Variants in KDM6A observed in about 807,000 individuals in gnomAD.
KDM6A encodes lysine demethylase 6A, also known as lysine-specific demethylase 6A.
A neutral mutation model predicts 117.6 loss-of-function variants in KDM6A; 11 were observed. That is an observed-to-expected ratio of 0.09 (90% confidence interval 0.06 to 0.15). KDM6A has a LOEUF of 0.15. KDM6A is among the 10% of genes least tolerant of loss of function. KDM6A has a pLI of 1.00. For synonymous variants in KDM6A, 384 were observed against 396.1 expected (o/e 0.97, Z 0.36); for missense variants, 799 against 1,077.3 (o/e 0.74, Z 3.62).
At chrX:44,905,998 T>C in intron 2 of KDM6A, among the ~76,000 whole-genome samples, 1 of 112,326 alleles carries the variant, frequency 8.9e-6, no homozygotes, top group East Asian at 2.8e-4. Flanking sequence ...CTAATGCTTC[T>C]TGGGTTTGGT....
At chrX:45,048,623 T>C (rs772664127) in intron 8 of KDM6A, among the ~76,000 whole-genome samples, 3 of 109,632 alleles carry the variant, frequency 2.7e-5, no homozygotes, top group Middle Eastern at 4.6e-3. Context: ...GCCATTTCTA[T>C]TTGAGTTCTA....
intron 6 of KDM6A, among the ~76,000 whole-genome samples, chrX:45,027,474 AT>A (rs2042425628): frequency 9.0e-6 from 1 of 111,400 alleles, no homozygotes; most frequent in Non-Finnish European, 1.9e-5. Flanking sequence ...CATTTTGAAA[AT>A]TTTAATCTTG....
intron 8 of KDM6A, among the ~76,000 whole-genome samples, chrX:45,040,438 G>T (rs2043049771): frequency 1.1e-5 from 1 of 88,376 alleles, no homozygotes; most frequent in African/African-American, 4.3e-5. Context: ...CGGCTGGCCG[G>T]GCGGGGGGCT....
intron 2 of KDM6A, among the ~76,000 whole-genome samples, chrX:44,917,918 TAA>T (rs2035663377): frequency 8.9e-6 from 1 of 112,293 alleles, no homozygotes; most frequent in African/African-American, 3.2e-5. Context: ...TTCTTAAAAT[TAA>T]GTTTGTCTTT....
intron 21 of KDM6A, among the ~76,000 whole-genome samples, chrX:45,081,926 C>T (rs2045424125): frequency 9.1e-6 from 1 of 109,632 alleles, no homozygotes; most frequent in African/African-American, 3.3e-5. Flanking sequence ...CCACAGGCGC[C>T]TGCCCCCATG....
At chrX:45,073,170 G>C (rs1569536370) in intron 18 of KDM6A, among the ~76,000 whole-genome samples, 1 of 110,868 alleles carries the variant, frequency 9.0e-6, no homozygotes, top group African/African-American at 3.3e-5. Flanking sequence ...ATGGTTTCCA[G>C]CTTCATCCAT....
intron 8 of KDM6A, among the ~76,000 whole-genome samples, chrX:45,046,029 T>C (rs1367203113): frequency 9.0e-6 from 1 of 111,578 alleles, no homozygotes; most frequent in Non-Finnish European, 1.9e-5. Flanking sequence ...CAGACTGATA[T>C]CATGATGAAT....
intron 2 of KDM6A, among the ~76,000 whole-genome samples, chrX:44,933,296 C>G (rs1295924513): frequency 1.6e-5 from 1 of 64,266 alleles, no homozygotes; most frequent in Non-Finnish European, 2.7e-5. Flanking sequence ...GAGACGGAGT[C>G]TCACTCTGTC....
chrX:45,003,305 G>A (rs1055930454), intron 4 of KDM6A, among the ~76,000 whole-genome samples: 2 of 110,531 alleles, frequency 1.8e-5, no homozygotes, highest in Admixed American at 9.6e-5. Context: ...AGGTCTGGTC[G>A]GACCTTTGTA....
intron 4 of KDM6A, among the ~76,000 whole-genome samples, chrX:44,992,066 G>A (rs1290972086): frequency 1.8e-5 from 2 of 109,500 alleles, no homozygotes; most frequent in South Asian, 3.8e-4. Flanking sequence ...TTCCTTCCTG[G>A]GTATACTTTA....
chrX:44,924,968 C>T (rs1053686441), intron 2 of KDM6A, among the ~76,000 whole-genome samples: 2 of 111,421 alleles, frequency 1.8e-5, no homozygotes, highest in Admixed American at 1.9e-4. Context: ...GGATTACAGG[C>T]GTGAGCCACT....
chrX:44,985,095 T>C (rs1383649668), intron 4 of KDM6A, among the ~76,000 whole-genome samples: 1 of 109,881 alleles, frequency 9.1e-6, no homozygotes, highest in Non-Finnish European at 1.9e-5. Context: ...CATTGAGCAG[T>C]GGTTTGTAGT....
chrX:45,035,921 G>T (rs1002656563), intron 7 of KDM6A, among the ~76,000 whole-genome samples: 2 of 110,348 alleles, frequency 1.8e-5, no homozygotes, highest in African/African-American at 6.6e-5. Context: ...GGATGGTCTC[G>T]ATCTCCTGAC....
At chrX:45,108,918 G>A (rs1443228641) in intron 28 of KDM6A, among the ~76,000 whole-genome samples, 3 of 97,509 alleles carry the variant, frequency 3.1e-5, no homozygotes, top group Admixed American at 2.3e-4. Context: ...GAATTGAACA[G>A]TGAGATCACA....
chrX:44,972,138 G>A (rs948014909), intron 3 of KDM6A, among the ~76,000 whole-genome samples: 3 of 111,405 alleles, frequency 2.7e-5, no homozygotes, highest in Non-Finnish European at 3.8e-5. Flanking sequence ...AGGGTAACAT[G>A]CAGTGTGTTG....
rs1471057198 is a variant in KDM6A at position 44,927,914 on chromosome X, C to T, written c.226-33370C>T. ...TAGTCCAGGCAAGTCTGTAAACAAA[C>T]AGCAACCACAATAATCTGGGAGGTG... On this transcript the variant is annotated intron_variant, in intron 2 of 29. Transcript: ENST00000611820. Among the ~76,000 whole-genome samples, 3 of 111,153 alleles carry T rather than the reference C, an allele frequency of 2.7e-5. No individual in the cohort carries two copies. The South Asian group carries it at 1.1e-3, about 42-fold the overall frequency.
intron 8 of KDM6A, among the ~76,000 whole-genome samples, chrX:45,044,698 T>A (rs2043445747): frequency 8.9e-6 from 1 of 112,243 alleles, no homozygotes; most frequent in Non-Finnish European, 1.9e-5. Context: ...CTTAATCTTG[T>A]ATCTTGGAAA....
intron 25 of KDM6A, among the ~76,000 whole-genome samples, chrX:45,089,238 C>T (rs1232984465): frequency 2.7e-5 from 3 of 111,541 alleles, no homozygotes; most frequent in Non-Finnish European, 5.7e-5. Context: ...AATGCTGGGC[C>T]GGTCCACTTA....
At chrX:44,890,760 T>C (rs935032304) in intron 2 of KDM6A, among the ~76,000 whole-genome samples, 11 of 103,322 alleles carry the variant, frequency 1.1e-4, no homozygotes, top group African/African-American at 4.0e-4. Flanking sequence ...GGTTAAGTGA[T>C]TTTCCTGCCT....
Sources: gnomAD v4.1 joint callset for allele counts (sites outside exome capture counted in the v4.1 genomes callset) on GRCh38, gnomAD v4.1.1 for gene constraint, MANE v1.5 for transcripts, NCBI Gene and HGNC (gene_info 2026-07-23, HGNC 2026-07-21) for gene names.